The following ANKFN1 variants were observed in gnomAD, a reference collection of about 807,000 sequenced individuals.
The protein encoded by ANKFN1 is ankyrin repeat and fibronectin type-III domain-containing protein 1.
ANKFN1 carries 74 observed loss-of-function variants against 108.7 expected under a neutral mutation model. That is an observed-to-expected ratio of 0.68 (90% CI 0.56 to 0.83). The LOEUF is 0.83. ANKFN1 is among the 40% of genes least tolerant of loss of function. ANKFN1 has a pLI of 0.00. For missense variants in ANKFN1, 1,505 were observed against 1,382.3 expected (o/e 1.09, Z -1.41); for synonymous variants, 547 against 516.2 (o/e 1.06, Z -0.81).
chr17:56,490,452 A>C (rs966917870), intron 18 of ANKFN1, among the ~76,000 whole-genome samples: 2 of 152,146 alleles, frequency 1.3e-5, no homozygotes, highest in Non-Finnish European at 2.9e-5. Context: ...GCTTGACCAA[A>C]GCTTAGGGTT....
chr17:56,274,876 G>T (rs1310505212), intron 3 of ANKFN1, among the ~76,000 whole-genome samples: 1 of 152,206 alleles, frequency 6.6e-6, no homozygotes, highest in African/African-American at 2.4e-5. Context: ...TTTGGAGGCA[G>T]GCAGGTTGAG....
At chr17:56,116,436 G>T (rs1040595117) in intron 4 of ANKFN1, among the ~76,000 whole-genome samples, 7 of 152,136 alleles carry the variant, frequency 4.6e-5, no homozygotes, top group Admixed American at 2.0e-4. Flanking sequence ...GATCCCCAGT[G>T]TTGCAGATGG....
upstream of ANKFN1, among the ~76,000 whole-genome samples, chr17:56,152,068 G>A (rs1006386932): frequency 6.6e-6 from 1 of 152,074 alleles, no homozygotes; most frequent in Admixed American, 6.6e-5. Context: ...CCATTCCTGT[G>A]ATTATGTACA....
intron 8 of ANKFN1, among the ~76,000 whole-genome samples, chr17:56,382,354 G>A (rs775977625): frequency 2.0e-5 from 3 of 152,084 alleles, no homozygotes; most frequent in Non-Finnish European, 2.9e-5. Flanking sequence ...AGGAACAACC[G>A]GTACCAGCCA....
chr17:56,150,929 T>C (rs1272618750), upstream of ANKFN1, among the ~76,000 whole-genome samples: 5 of 152,144 alleles, frequency 3.3e-5, no homozygotes, highest in African/African-American at 1.2e-4. Flanking sequence ...GGGAAAGGAT[T>C]TGGGACACCG....
chr17:56,086,839 T>A (rs1230797720), intron 4 of ANKFN1, among the ~76,000 whole-genome samples: 1 of 151,370 alleles, frequency 6.6e-6, no homozygotes, highest in Non-Finnish European at 1.5e-5. Context: ...ATAAAAAGGA[T>A]AACAATAAGT....
chr17:56,223,810 A>G (rs1476582516), intron 2 of ANKFN1, among the ~76,000 whole-genome samples: 6 of 152,222 alleles, frequency 3.9e-5, no homozygotes, highest in Non-Finnish European at 8.8e-5. Flanking sequence ...TAAGTTTTCA[A>G]TTTGGACTTA....
chr17:56,311,982 G>A (rs543358871), intron 3 of ANKFN1, among the ~76,000 whole-genome samples: 4 of 152,196 alleles, frequency 2.6e-5, no homozygotes, highest in East Asian at 1.9e-4. Context: ...AGAACTCTTC[G>A]CGGTCTCCTC....
At chr17:56,358,026 G>A (rs1033563180) in intron 6 of ANKFN1, among the ~76,000 whole-genome samples, 1 of 152,082 alleles carries the variant, frequency 6.6e-6, no homozygotes, top group Non-Finnish European at 1.5e-5. Flanking sequence ...TAATTGCCTT[G>A]GTGTTTGTGA....
intron 4 of ANKFN1, among the ~76,000 whole-genome samples, chr17:56,046,516 A>T (rs543444919): frequency 2.1e-5 from 3 of 142,552 alleles, no homozygotes; most frequent in South Asian, 2.1e-4. Flanking sequence ...TGCAGATTAT[A>T]AAAAAAAAAT....
chr17:56,417,833 C>T (rs1369501156), intron 8 of ANKFN1, among the ~76,000 whole-genome samples: 2 of 152,154 alleles, frequency 1.3e-5, no homozygotes, highest in Non-Finnish European at 2.9e-5. Flanking sequence ...AACTGGGAGC[C>T]TACTAGAACT....
chr17:56,330,791 G>T (rs2045641662), intron 4 of ANKFN1, among the ~76,000 whole-genome samples: 1 of 152,160 alleles, frequency 6.6e-6, no homozygotes, highest in Non-Finnish European at 1.5e-5. Flanking sequence ...TCATCCATAA[G>T]TATTTGTTGA....
At chr17:56,406,194 T>G (rs1838976445) in intron 8 of ANKFN1, among the ~76,000 whole-genome samples, 1 of 152,200 alleles carries the variant, frequency 6.6e-6, no homozygotes, top group Non-Finnish European at 1.5e-5. Flanking sequence ...AGGTACAGAC[T>G]CTTTTCATCC....
At position 56,335,668 on chromosome 17, in the gene ANKFN1, C is replaced by A. The variant is rs1169521545; in HGVS notation, c.188+9313C>A. ...CAATCATGTCATCTGCAAACAGGGA[C>A]AATTTGATTTCCTCTTTTCCTAATT... On this transcript the variant is annotated intron_variant, in intron 4 of 20. Coordinates refer to ENST00000682825, the MANE Select transcript of ANKFN1 (RefSeq NM_001370326.1). Among the ~76,000 whole-genome samples, 11 of 152,242 alleles carry A rather than the reference C, an allele frequency of 7.2e-5. No individual in the cohort carries two copies. In the East Asian group the frequency reaches 2.1e-3, roughly 29 times the overall value.
intron 3 of ANKFN1, among the ~76,000 whole-genome samples, chr17:56,286,474 C>G (rs1230698175): frequency 6.6e-6 from 1 of 152,146 alleles, no homozygotes; most frequent in Non-Finnish European, 1.5e-5. Context: ...CTGGAATAAT[C>G]TGAAAATTCA....
At chr17:56,402,238 C>G (rs981213113) in intron 8 of ANKFN1, among the ~76,000 whole-genome samples, 4 of 152,114 alleles carry the variant, frequency 2.6e-5, no homozygotes, top group Admixed American at 2.6e-4. Flanking sequence ...CCTTCTTTCT[C>G]TATCTTATGG....
intron 3 of ANKFN1, among the ~76,000 whole-genome samples, chr17:56,303,799 C>G (rs71387449): frequency 3.3e-5 from 5 of 151,966 alleles, no homozygotes; most frequent in African/African-American, 9.7e-5. Flanking sequence ...ATTCTCCTGC[C>G]TCAGCCTCCC....
intron 3 of ANKFN1, among the ~76,000 whole-genome samples, chr17:56,284,612 T>G (rs536662162): frequency 9.8e-5 from 15 of 152,304 alleles, no homozygotes; most frequent in African/African-American, 3.4e-4. Flanking sequence ...GTCAATAACA[T>G]GTTGTGAAAT....
At chr17:56,501,426 G>T (rs1170048711) in intron 20 of ANKFN1, among the ~76,000 whole-genome samples, 1 of 152,086 alleles carries the variant, frequency 6.6e-6, no homozygotes, top group Non-Finnish European at 1.5e-5. Flanking sequence ...ATTAACAAAG[G>T]AGACACCAAG....
Sources: allele counts gnomAD v4.1 joint callset (sites outside exome capture counted in the v4.1 genomes callset), GRCh38; gene constraint gnomAD v4.1.1; transcripts MANE v1.5; gene names NCBI Gene and HGNC (gene_info 2026-07-23, HGNC 2026-07-21).